The following NTRK2 variants were observed in gnomAD, a reference collection of about 807,000 sequenced individuals.
NTRK2 encodes the protein neurotrophic receptor tyrosine kinase 2, also known as BDNF/NT-3 growth factors receptor.
A neutral mutation model predicts 94.5 loss-of-function variants in NTRK2; 13 were observed. The observed-to-expected ratio is 0.14, with a 90% CI of 0.09 to 0.22. The LOEUF (loss-of-function observed/expected upper bound fraction) is 0.22. NTRK2 is among the 10% of genes least tolerant of loss of function. The probability of loss-of-function intolerance (pLI) is 1.00; values close to 1 mark genes in which losing one functional copy is unlikely to be tolerated. For synonymous variants in NTRK2, 372 were observed against 407.4 expected (o/e 0.91, Z 1.05); for missense variants, 639 against 1,071.2 (o/e 0.60, Z 5.63).
intron 14 of NTRK2, chr9:84,872,395 C>A (rs201321049): frequency 9.2e-7 from 1 of 1,088,770 alleles, no homozygotes; most frequent in Non-Finnish European, 1.1e-6. Flanking sequence ...CTTCTCCCGT[C>A]GGAGCAAACA....
chr9:84,823,807 T>C (rs1268730456), intron 12 of NTRK2, among the ~76,000 whole-genome samples: 1 of 152,236 alleles, frequency 6.6e-6, no homozygotes, highest in East Asian at 1.9e-4. Flanking sequence ...CAAGTGTTGA[T>C]GCCAAATGTT....
rs374099533 is a variant in NTRK2, at chr9:84,728,754, G to A, written c.1159+795G>A. On this transcript the variant is annotated intron_variant, in intron 9 of 18. Transcript: ENST00000277120. ...TTCTCTGGCCAAAGGCTAGGACTGC[G>A]GAAAGGATGGCTAGCATCAGGGGTC... Among the ~76,000 whole-genome samples the A allele has an allele frequency of 5.3e-5, 8 of 152,150 alleles. No homozygotes were observed. In the East Asian group the frequency reaches 5.8e-4, roughly 11 times the overall value.
intron 12 of NTRK2, among the ~76,000 whole-genome samples, chr9:84,838,180 T>C (rs2073980984): frequency 6.6e-6 from 1 of 152,094 alleles, no homozygotes. Flanking sequence ...GGCAAACGTG[T>C]CACTCAGAAT....
At chr9:84,769,372 A>G (rs2066318395) in intron 12 of NTRK2, among the ~76,000 whole-genome samples, 1 of 152,190 alleles carries the variant, frequency 6.6e-6, no homozygotes, top group African/African-American at 2.4e-5. Context: ...GGCTGTCTCC[A>G]TTGAGTCCCT....
At chr9:84,906,388 G>T (rs2077076308) in intron 14 of NTRK2, among the ~76,000 whole-genome samples, 1 of 152,182 alleles carries the variant, frequency 6.6e-6, no homozygotes, top group Non-Finnish European at 1.5e-5. Context: ...GAGAAAAAGT[G>T]TATTTGCCAG....
intron 2 of NTRK2, among the ~76,000 whole-genome samples, chr9:84,693,668 A>G (rs531563421): frequency 2.8e-4 from 42 of 152,292 alleles, no homozygotes; most frequent in Middle Eastern, 3.4e-3. Context: ...TGAAATTCTC[A>G]TGTGCAGTCT....
chr9:84,901,523 C>T (rs941382042), intron 14 of NTRK2, among the ~76,000 whole-genome samples: 11 of 152,104 alleles, frequency 7.2e-5, no homozygotes, highest in East Asian at 1.9e-4. Context: ...TTAGCCACCG[C>T]GCCCGACCAT....
chr9:84,720,215 G>C (rs142625191), intron 6 of NTRK2, among the ~76,000 whole-genome samples: 1,908 of 152,154 alleles, frequency 0.013, 32 homozygotes, highest in African/African-American at 0.044. Flanking sequence ...GAGAGTACAG[G>C]GAACACCAAA....
At chr9:84,820,637 C>G (rs1303570267) in intron 12 of NTRK2, among the ~76,000 whole-genome samples, 1 of 152,086 alleles carries the variant, frequency 6.6e-6, no homozygotes. Context: ...CAAATTGTTT[C>G]AAATCTCCTA....
chr9:84,951,291 T>C (rs1339947604), intron 16 of NTRK2, among the ~76,000 whole-genome samples: 1 of 152,238 alleles, frequency 6.6e-6, no homozygotes, highest in Non-Finnish European at 1.5e-5. Flanking sequence ...AAATTTTTCT[T>C]GTAAGTGATA....
intron 10 of NTRK2, among the ~76,000 whole-genome samples, chr9:84,744,499 C>T (rs955457147): frequency 2.6e-5 from 4 of 152,032 alleles, no homozygotes; most frequent in African/African-American, 4.8e-5. Context: ...TCAAATCTGG[C>T]GTCACGTGTG....
intron 14 of NTRK2, among the ~76,000 whole-genome samples, chr9:84,920,636 A>T (rs1311980844): frequency 6.6e-6 from 1 of 152,148 alleles, no homozygotes; most frequent in Non-Finnish European, 1.5e-5. Context: ...TCTATGTTTC[A>T]TGCATTAACA....
At chr9:84,887,879 G>T (rs945669114) in intron 14 of NTRK2, among the ~76,000 whole-genome samples, 1 of 152,186 alleles carries the variant, frequency 6.6e-6, no homozygotes, top group Non-Finnish European at 1.5e-5. Flanking sequence ...ATTTGTTAAC[G>T]TTAATTGAGG....
Position 85,026,136 on chromosome 9 carries a change from A to C in NTRK2, c.*4699A>C, listed in dbSNP as rs979842989. Reference sequence around the variant, plus strand: ...CACAAACACAAAGCAAAGCAAAAAAAAAAATATATATATATATATCTGTAT... The same window carrying C: ...CACAAACACAAAGCAAAGCAAAAAACAAAATATATATATATATATCTGTAT... On this transcript the variant is annotated 3_prime_UTR_variant, in exon 19 of 19. Coordinates refer to ENST00000277120, the MANE Select transcript of NTRK2 (RefSeq NM_006180.6). 4 of 207,264 alleles carry C rather than the reference A, an allele frequency of 1.9e-5. No individual in the cohort carries two copies. The highest frequency in any genetic ancestry group is 1.3e-4 in the Admixed American group (2 of 15,144). The allele number at this position is 207,264 out of a possible 1,614,324, so 12.8% of individuals were successfully genotyped here.
intron 12 of NTRK2, among the ~76,000 whole-genome samples, chr9:84,759,577 T>TA (rs1288645097): frequency 9.8e-5 from 15 of 152,360 alleles, no homozygotes; most frequent in Non-Finnish European, 1.5e-5. Context: ...AAAGAGCCTA[T>TA]AAAAAATTAG....
At chr9:84,783,565 TTAAA>T in intron 12 of NTRK2, among the ~76,000 whole-genome samples, 1 of 152,100 alleles carries the variant, frequency 6.6e-6, no homozygotes, top group South Asian at 2.1e-4. Context: ...AGTGGATACT[TTAAA>T]TAGAGTTTGA....
At chr9:84,919,198 T>C (rs1388391593) in intron 14 of NTRK2, among the ~76,000 whole-genome samples, 1 of 152,182 alleles carries the variant, frequency 6.6e-6, no homozygotes, top group East Asian at 1.9e-4. Context: ...TAAATACATT[T>C]TTCACATCTC....
chr9:84,954,147 A>G (rs748926570), intron 16 of NTRK2, among the ~76,000 whole-genome samples: 7 of 152,230 alleles, frequency 4.6e-5, no homozygotes, highest in Non-Finnish European at 1.0e-4. Context: ...TATTTATTCT[A>G]AGTGTTTCAA....
At chr9:85,011,669 T>C (rs1256397329) in intron 17 of NTRK2, among the ~76,000 whole-genome samples, 3 of 152,198 alleles carry the variant, frequency 2.0e-5, no homozygotes, top group Non-Finnish European at 4.4e-5. Flanking sequence ...ACTTCTAGCC[T>C]CTAAAACTGT....
Sources: gnomAD v4.1 joint callset for allele counts (sites outside exome capture counted in the v4.1 genomes callset) on GRCh38, gnomAD v4.1.1 for gene constraint, MANE v1.5 for transcripts, NCBI Gene and HGNC (gene_info 2026-07-23, HGNC 2026-07-21) for gene names.